GRM4: variants seen among roughly 807,000 people sequenced by gnomAD.
GRM4 encodes glutamate metabotropic receptor 4.
GRM4 carries 28 observed loss-of-function variants against 81.7 expected under a neutral mutation model. The ratio of observed to expected loss-of-function variants is 0.34; its 90% confidence interval spans 0.25 to 0.47. GRM4 has a LOEUF of 0.47. Ranked by LOEUF, GRM4 falls within the 20% of genes least tolerant of loss-of-function variation. The pLI is 1.00. For missense variants in GRM4, 948 were observed against 1,290.0 expected (o/e 0.73, Z 4.06); for synonymous variants, 488 against 528.8 (o/e 0.92, Z 1.06).
chr6:34,037,660 C>T (rs950568581), intron 8 of GRM4, among the ~76,000 whole-genome samples: 2 of 151,916 alleles, frequency 1.3e-5, no homozygotes, highest in Admixed American at 1.3e-4. Flanking sequence ...GTCAAGAGAT[C>T]GAGACCAGCC....
chr6:34,023,561 A>G (rs139135384), intron 10 of GRM4, among the ~76,000 whole-genome samples: 1 of 152,016 alleles, frequency 6.6e-6, no homozygotes, highest in Non-Finnish European at 1.5e-5. Flanking sequence ...CTGAGCACCT[A>G]CCCTTTCTAC....
chr6:34,128,398 G>T (rs1474952921), intron 2 of GRM4, among the ~76,000 whole-genome samples: 4 of 132,902 alleles, frequency 3.0e-5, no homozygotes, highest in African/African-American at 1.2e-4. Flanking sequence ...TTTTTTTTGA[G>T]ACTGAGTTTC....
rs1453333177 is a variant in GRM4, at chr6:34,136,957, C to T, written c.-363-3098G>A. On this transcript the variant is annotated intron_variant, in intron 1 of 10. Transcript: ENST00000538487. This position sits in a 1 kb window ranked among gnomAD's most constrained non-coding sequence, Gnocchi z 4.1. ...TGGTGGGGTGGGTTGGGGTGGGGGC[C>T]AGGCGGATGCTCCCTTCCCCCGCAG... is the stretch of plus-strand genomic sequence containing the variant. Among the ~76,000 whole-genome samples the T allele has an allele frequency of 6.6e-6, 1 of 152,134 alleles. No homozygotes were observed. Among genetic ancestry groups the T allele is most frequent in the African/African-American group, 2.4e-5 (1 of 41,438 alleles).
chr6:34,132,780 T>A (rs1770295433), intron 2 of GRM4, among the ~76,000 whole-genome samples, 198 bp downstream of exon 2: 1 of 152,202 alleles, frequency 6.6e-6, no homozygotes, highest in Admixed American at 6.5e-5. Context: ...GTGCCTGTGC[T>A]GAGACCACAA....
chr6:34,128,081 A>G (rs1319035784), intron 2 of GRM4, among the ~76,000 whole-genome samples: 2 of 152,136 alleles, frequency 1.3e-5, no homozygotes, highest in Non-Finnish European at 2.9e-5. Context: ...CCATTTCGTG[A>G]TAGCAAGAAA....
chr6:34,040,164 G>A lies in GRM4; in HGVS notation c.1506+14C>T, dbSNP rs1764928269. The A allele has an allele frequency of 6.2e-7, 1 of 1,612,712 alleles. No individual in the cohort carries two copies. The highest frequency in any genetic ancestry group is 1.7e-5 in the Admixed American group (1 of 59,974). ...GTGAGTCACTCTCCACCCACTCCCT[G>A]CCCTCCCACTTACTCTAAGGTGCAG... On this transcript the variant is annotated intron_variant, in intron 8 of 10. Transcript: ENST00000538487.
At chr6:34,050,006 T>C (rs953888814) in intron 6 of GRM4, among the ~76,000 whole-genome samples, 1 of 152,142 alleles carries the variant, frequency 6.6e-6, no homozygotes, top group Non-Finnish European at 1.5e-5. Context: ...GCTTGTCCCA[T>C]TCTGCATAAA....
In GRM4 at chr6:34,122,784, G is replaced by A. The variant is rs2451337; in HGVS notation, c.519+10194C>T. ...TCTCTGGGCCAGGCACTGGAAGTAG[G>A]GGGGGAAGACCAAGAGCGGTTCAGC... On this transcript the variant is annotated intron_variant, in intron 2 of 10. Coordinates refer to ENST00000538487, the MANE Select transcript of GRM4 (RefSeq NM_000841.4). Among the ~76,000 whole-genome samples the A allele has an allele frequency of 7.8e-3, 1,189 of 151,478 alleles. 9 individuals are homozygous for A. The highest frequency in any genetic ancestry group is 0.027 in the Middle Eastern group (8 of 292).
In GRM4 at chr6:34,042,848, C is replaced by G. The variant is rs566503632; in HGVS notation, c.1169-2100G>C. On this transcript the variant is annotated intron_variant, in intron 6 of 10. Transcript: ENST00000538487. This position sits in a 1 kb window ranked among gnomAD's most constrained non-coding sequence, Gnocchi z 4.2. ...CAGTACCCTCTAATCCCCTCACACCCTCTAATCCTGGCCACACCAGTGGCC... is the reference window on the plus strand; with the variant it reads ...CAGTACCCTCTAATCCCCTCACACCGTCTAATCCTGGCCACACCAGTGGCC... 6.6e-6 allele frequency among the ~76,000 whole-genome samples: 1 copy of G among 152,174 alleles called. No homozygotes were observed. The highest frequency in any genetic ancestry group is 1.9e-4 in the East Asian group (1 of 5,192).
chr6:34,047,733 T>G lies in GRM4; in HGVS notation c.1169-6985A>C, dbSNP rs1294193596. 6.6e-6 allele frequency among the ~76,000 whole-genome samples: 1 copy of G among 152,126 alleles called. No homozygotes were observed. The highest frequency in any genetic ancestry group is 6.5e-5 in the Admixed American group (1 of 15,278). Reference sequence around the variant, plus strand: ...GCATCCAGGTGTTTCGAGGGCTTAGTGGTTGGGCCAAAAGGGATCCCCATC... The same window carrying G: ...GCATCCAGGTGTTTCGAGGGCTTAGGGGTTGGGCCAAAAGGGATCCCCATC... On this transcript the variant is annotated intron_variant, in intron 6 of 10. Coordinates refer to ENST00000538487, the MANE Select transcript of GRM4 (RefSeq NM_000841.4). The surrounding 1 kb of genome is among the most constrained non-coding windows in gnomAD (Gnocchi z 4.5).
intron 2 of GRM4, among the ~76,000 whole-genome samples, chr6:34,095,446 A>T (rs1768468191): frequency 6.7e-6 from 1 of 149,486 alleles, no homozygotes; most frequent in East Asian, 2.0e-4. Flanking sequence ...GCTGAAAAAA[A>T]ACTTGGGCAA....
rs560399046 is a variant in GRM4, at chr6:34,047,118, A to G, written c.1169-6370T>C. On this transcript the variant is annotated intron_variant, in intron 6 of 10. Transcript: ENST00000538487. This position sits in a 1 kb window ranked among gnomAD's most constrained non-coding sequence, Gnocchi z 4.5. ...ATAGTAAGACTTACTTCGAGGGGCCACTGGGAGGACTGAGGGAGATGCAAC... is the reference window on the plus strand; with the variant it reads ...ATAGTAAGACTTACTTCGAGGGGCCGCTGGGAGGACTGAGGGAGATGCAAC... Among the ~76,000 whole-genome samples, 14 of 152,260 alleles carry G rather than the reference A, an allele frequency of 9.2e-5. No individual in the cohort carries two copies. The highest frequency in any genetic ancestry group is 3.1e-4 in the African/African-American group (13 of 41,542).
rs776947492 is a variant in GRM4 at position 34,028,163 on chromosome 6, G to A, written c.2646C>T (p.Asn882=). ...KFTQKGNFRP[N]GEAKSELCEN... The stretch of plus-strand genomic sequence containing the variant: ...CGCAGAGCTCAGACTTGGCCTCTCC[G>A]TTGGGCCGGAAGTTGCCCTTCTGCG... Residue 882 remains asparagine, a synonymous_variant, in exon 10 of 11, where the codon AAC becomes AAT. Transcript: ENST00000538487. 1.9e-6 allele frequency: 3 copies of A among 1,613,954 alleles called. No homozygotes were observed. Among genetic ancestry groups the A allele is most frequent in the South Asian group, 2.2e-5 (2 of 91,078 alleles).
intron 6 of GRM4, among the ~76,000 whole-genome samples, chr6:34,044,085 C>A (rs907361471): frequency 6.6e-6 from 1 of 151,670 alleles, no homozygotes. Flanking sequence ...CAGACACACA[C>A]ACACACATAG....
exon 1 of GRM4, chr6:34,155,347 C>T: frequency 6.6e-7 from 1 of 1,509,834 alleles, no homozygotes; most frequent in Non-Finnish European, 8.8e-7. Flanking sequence ...AGGAGGGGCG[C>T]GCCAGCCGCA....
rs1262292915 is a variant in GRM4 at position 34,130,773 on chromosome 6, CAG to C, written c.519+2203_519+2204del. Among the ~76,000 whole-genome samples, 1 of 152,252 alleles carries C rather than the reference CAG, an allele frequency of 6.6e-6. No individual in the cohort carries two copies. The highest frequency in any genetic ancestry group is 1.9e-4 in the East Asian group (1 of 5,204). On this transcript the variant is annotated intron_variant, in intron 2 of 10. Coordinates refer to ENST00000538487, the MANE Select transcript of GRM4 (RefSeq NM_000841.4). This position sits in a 1 kb window ranked among gnomAD's most constrained non-coding sequence, Gnocchi z 4.1. Reference sequence around the variant, plus strand: ...TAGGCACTCACTCCGCTCTGGAAAACAGGGGAAGGGATCCTCACCAATGTCAC... The same window carrying C: ...TAGGCACTCACTCCGCTCTGGAAAACGGGAAGGGATCCTCACCAATGTCAC...
intron 1 of GRM4, chr6:34,154,970 TG>T: frequency 1.1e-6 from 1 of 920,182 alleles, no homozygotes; most frequent in Non-Finnish European, 1.5e-6. Context: ...CGGCCGGGCC[TG>T]GGGCGGGTCC....
At chr6:34,103,630 T>TGGGGGA in intron 2 of GRM4, 7 of 1,535,522 alleles carry the variant, frequency 4.6e-6, no homozygotes, top group Non-Finnish European at 5.2e-6. Flanking sequence ...CAGTGATCTG[T>TGGGGGA]GGGGGAGGCC....
intron 2 of GRM4, among the ~76,000 whole-genome samples, chr6:34,113,031 A>G (rs1421331932): frequency 6.6e-6 from 1 of 152,060 alleles, no homozygotes; most frequent in Non-Finnish European, 1.5e-5. Context: ...AAATTGCAAT[A>G]ATAATGACCT....
Sources: allele counts gnomAD v4.1 joint callset (sites outside exome capture counted in the v4.1 genomes callset), GRCh38; gene constraint gnomAD v4.1.1; non-coding constraint Gnocchi (gnomAD v3.1); transcripts MANE v1.5; gene names NCBI Gene and HGNC (gene_info 2026-07-23, HGNC 2026-07-21).